EPB41L3: variants seen among roughly 807,000 people sequenced by gnomAD.
The protein encoded by EPB41L3 is band 4.1-like protein 3.
A neutral mutation model predicts 127.1 loss-of-function variants in EPB41L3; 57 were observed. The observed-to-expected ratio is 0.45, with a 90% CI of 0.36 to 0.56. The LOEUF is 0.56. Among genes scored for constraint, EPB41L3 ranks in the 20% least tolerant of loss-of-function variants. The pLI is 0.00. For missense variants in EPB41L3, 1,273 were observed against 1,372.2 expected, an observed-to-expected ratio of 0.93 and a Z score of 1.14; for synonymous variants, 572 against 549.5, an observed-to-expected ratio of 1.04 and a Z score of -0.57.
At chr18:5,577,319 G>A (rs879824485) in intron 3 of EPB41L3, 35 of 451,762 alleles carry the variant, frequency 7.7e-5, no homozygotes, top group Middle Eastern at 3.2e-4. Context: ...TTAGCAATCC[G>A]AAAATTTTAC....
chr18:5,428,098 A>G (rs1293349968), intron 9 of EPB41L3, among the ~76,000 whole-genome samples: 1 of 152,168 alleles, frequency 6.6e-6, no homozygotes, highest in Non-Finnish European at 1.5e-5. Flanking sequence ...AAACCCTCCA[A>G]TTAACGTATG....
intron 8 of EPB41L3, among the ~76,000 whole-genome samples, chr18:5,432,020 C>T (rs118031342): frequency 0.019 from 2,826 of 152,272 alleles, 44 homozygotes; most frequent in Non-Finnish European, 0.027. Flanking sequence ...TGTGAACCTC[C>T]GCCAAGTCAC....
intron 1 of EPB41L3, among the ~76,000 whole-genome samples, chr18:5,533,392 T>C (rs565007598): frequency 6.6e-6 from 1 of 152,336 alleles, no homozygotes; most frequent in Admixed American, 6.5e-5. Flanking sequence ...TGTGAGTGTG[T>C]GTGTCCTTCT....
At chr18:5,595,772 A>G (rs1169203820) in intron 3 of EPB41L3, among the ~76,000 whole-genome samples, 5 of 152,032 alleles carry the variant, frequency 3.3e-5, no homozygotes, top group African/African-American at 1.2e-4. Flanking sequence ...ACATGTGCTT[A>G]TTTTCCTTAA....
intron 3 of EPB41L3, among the ~76,000 whole-genome samples, chr18:5,473,748 A>C (rs2086608676): frequency 6.6e-6 from 1 of 152,160 alleles, no homozygotes; most frequent in Non-Finnish European, 1.5e-5. Flanking sequence ...ACAATAACAA[A>C]CTGGCTGAAG....
At chr18:5,506,348 C>G (rs1352707345) in intron 1 of EPB41L3, among the ~76,000 whole-genome samples, 2 of 152,194 alleles carry the variant, frequency 1.3e-5, no homozygotes, top group Non-Finnish European at 2.9e-5. Context: ...ACGCCCTCAT[C>G]ATCTACTTCT....
At chr18:5,540,911 C>G (rs1385182585) in intron 1 of EPB41L3, among the ~76,000 whole-genome samples, 2 of 151,958 alleles carry the variant, frequency 1.3e-5, no homozygotes, top group Non-Finnish European at 2.9e-5. Flanking sequence ...AGTGAAACCC[C>G]TTCTCTACCA....
chr18:5,542,567 T>C (rs1413682912), intron 1 of EPB41L3, among the ~76,000 whole-genome samples: 5 of 150,410 alleles, frequency 3.3e-5, no homozygotes, highest in Admixed American at 2.6e-4. Context: ...AAACACGCAA[T>C]GGAAGCACTG....
At chr18:5,398,705 G>A in intron 16 of EPB41L3, 1 of 399,392 alleles carries the variant, frequency 2.5e-6, no homozygotes, top group Non-Finnish European at 4.4e-6. Flanking sequence ...CAACGGTAAA[G>A]GCTGGTTCCT....
Position 5,598,324 on chromosome 18 carries a change from C to T in EPB41L3, c.-306+14016G>A, listed in dbSNP as rs1440338708. Among the ~76,000 whole-genome samples the T allele has an allele frequency of 2.6e-5, 4 of 152,090 alleles. No homozygotes were observed. In the East Asian group the frequency reaches 7.7e-4, roughly 29 times the overall value. ...AGAATACACTTGTCTTCTATTAAGT[C>T]AGACATTAAAGAGACTTATAAAAAT... On this transcript the variant is annotated intron_variant, in intron 3 of 21. Coordinates refer to the EPB41L3 transcript ENST00000545076.
chr18:5,479,393 T>C (rs2087943989), intron 2 of EPB41L3, among the ~76,000 whole-genome samples: 1 of 152,248 alleles, frequency 6.6e-6, no homozygotes, highest in African/African-American at 2.4e-5. Flanking sequence ...GTGTACATAC[T>C]ATCAGCCCTT....
chr18:5,630,560 A>G (rs540368298), upstream of EPB41L3: 1 of 515,934 alleles, frequency 1.9e-6, no homozygotes, highest in South Asian at 1.4e-5. Context: ...GGCGGCGGGA[A>G]AGAGCTCCTG....
At position 5,423,436 on chromosome 18, in the gene EPB41L3, T is replaced by G; in HGVS notation, c.1281A>C (p.Ala427=). ...RRASALIDRP[A]PYFERSSSKR... is the part of the protein sequence containing the mutation. ...TGCTGGATGAGCGTTCAAAGTAAGG[T>G]GCTGGGCGATCTATCAACGCACTGG... Residue 427 remains alanine, a synonymous_variant, in exon 11 of 23, where the codon GCA becomes GCC. Coordinates refer to ENST00000341928, the MANE Select transcript of EPB41L3 (RefSeq NM_012307.5). 1 of 1,613,814 alleles carries G rather than the reference T, an allele frequency of 6.2e-7. No homozygotes were observed. The highest frequency in any genetic ancestry group is 8.5e-7 in the Non-Finnish European group (1 of 1,179,804).
chr18:5,485,055 T>C (rs1471935311), intron 2 of EPB41L3, among the ~76,000 whole-genome samples: 3 of 151,842 alleles, frequency 2.0e-5, no homozygotes, highest in Admixed American at 2.0e-4. Context: ...TACAGGCCAA[T>C]ATCACTGATG....
At chr18:5,427,305 C>T (rs1045074702) in intron 9 of EPB41L3, among the ~76,000 whole-genome samples, 1 of 152,148 alleles carries the variant, frequency 6.6e-6, no homozygotes, top group Non-Finnish European at 1.5e-5. Flanking sequence ...TGAGCTTTGA[C>T]TGCCTCTGTT....
chr18:5,614,126 T>G (rs755175424), intron 2 of EPB41L3, among the ~76,000 whole-genome samples: 13 of 152,192 alleles, frequency 8.5e-5, no homozygotes, highest in Non-Finnish European at 1.3e-4. Context: ...GGAAGAATTC[T>G]GGTCTTTACC....
upstream of EPB41L3, among the ~76,000 whole-genome samples, chr18:5,547,002 C>T (rs1012599067): frequency 6.6e-5 from 10 of 152,134 alleles, no homozygotes; most frequent in African/African-American, 2.4e-4. Context: ...TTCCAAAATT[C>T]TGTATGGTTC....
chr18:5,446,620 T>C (rs1340882201), intron 3 of EPB41L3, among the ~76,000 whole-genome samples: 1 of 152,208 alleles, frequency 6.6e-6, no homozygotes, highest in Admixed American at 6.5e-5. Flanking sequence ...GTGAGTCGTG[T>C]GTTGTGTTAT....
chr18:5,580,591 C>T (rs1396109508), intron 3 of EPB41L3, among the ~76,000 whole-genome samples: 1 of 152,052 alleles, frequency 6.6e-6, no homozygotes, highest in East Asian at 1.9e-4. Context: ...ATCATATATC[C>T]ATTAGTATCA....
Sources: gnomAD v4.1 joint callset for allele counts (sites outside exome capture counted in the v4.1 genomes callset) on GRCh38, gnomAD v4.1.1 for gene constraint, MANE v1.5 for transcripts, NCBI Gene and HGNC (gene_info 2026-07-23, HGNC 2026-07-21) for gene names.